Variants in GRIN2B observed in about 807,000 individuals in gnomAD.
GRIN2B encodes glutamate receptor ionotropic, NMDA 2B.
A neutral mutation model predicts 114.5 loss-of-function variants in GRIN2B; 5 were observed. The ratio of observed to expected loss-of-function variants is 0.04; its 90% CI spans 0.02 to 0.09. The LOEUF (loss-of-function observed/expected upper bound fraction) is 0.09. Among genes scored for constraint, GRIN2B ranks in the 10% least tolerant of loss-of-function variants. The probability of loss-of-function intolerance (pLI) is 1.00; values close to 1 mark genes in which losing one functional copy is unlikely to be tolerated. For missense variants in GRIN2B, 1,108 were observed against 1,943.5 expected (o/e 0.57, Z 8.08); for synonymous variants, 787 against 745.1 (o/e 1.06, Z -0.92).
chr12:13,890,690 C>T (rs1866244639), intron 2 of GRIN2B, among the ~76,000 whole-genome samples: 2 of 152,158 alleles, frequency 1.3e-5, no homozygotes, highest in Non-Finnish European at 2.9e-5. Flanking sequence ...CACGACACCC[C>T]TTGTCTTATT....
intron 5 of GRIN2B, among the ~76,000 whole-genome samples, chr12:13,671,124 G>A (rs1950018476): frequency 6.6e-6 from 1 of 151,996 alleles, no homozygotes; most frequent in Non-Finnish European, 1.5e-5. Context: ...TCTTTTTACT[G>A]GATACTCTTT....
chr12:13,868,652 A>T (rs751561744), intron 2 of GRIN2B, among the ~76,000 whole-genome samples: 3 of 151,918 alleles, frequency 2.0e-5, no homozygotes, highest in Non-Finnish European at 4.4e-5. Context: ...ACTTTAATGC[A>T]CTCCACTCTC....
At chr12:13,869,292 C>T (rs12580205) in intron 2 of GRIN2B, among the ~76,000 whole-genome samples, 1 of 139,928 alleles carries the variant, frequency 7.1e-6, no homozygotes, top group South Asian at 2.3e-4. Flanking sequence ...AGATTCTATC[C>T]TTCAGGACCA....
At chr12:13,754,921 A>C (rs1256373333) in intron 3 of GRIN2B, among the ~76,000 whole-genome samples, 1 of 152,178 alleles carries the variant, frequency 6.6e-6, no homozygotes, top group African/African-American at 2.4e-5. Flanking sequence ...GTTCTGAGAT[A>C]TCAAGTCCTG....
chr12:13,570,980 C>G (rs1948700199), intron 11 of GRIN2B, among the ~76,000 whole-genome samples: 1 of 152,186 alleles, frequency 6.6e-6, no homozygotes, highest in African/African-American at 2.4e-5. Flanking sequence ...GTGGCCCTAC[C>G]TTCAAGCTCA....
chr12:13,740,170 T>TA (rs1863256468), intron 4 of GRIN2B, among the ~76,000 whole-genome samples: 1 of 152,230 alleles, frequency 6.6e-6, no homozygotes, highest in Admixed American at 6.5e-5. Flanking sequence ...CGTGATGGTT[T>TA]TCACTAACAT....
intron 4 of GRIN2B, among the ~76,000 whole-genome samples, chr12:13,694,702 T>A (rs868353977): frequency 5.9e-4 from 75 of 126,236 alleles, no homozygotes; most frequent in East Asian, 3.0e-3. Context: ...TATATATATA[T>A]AAATTAATTA....
intron 3 of GRIN2B, among the ~76,000 whole-genome samples, chr12:13,825,374 A>T (rs1865013197): frequency 6.6e-6 from 1 of 151,082 alleles, no homozygotes; most frequent in Admixed American, 6.6e-5. Context: ...ATAACATATA[A>T]ACTAGAAAAG....
intron 2 of GRIN2B, among the ~76,000 whole-genome samples, chr12:13,893,649 T>C (rs963071813): frequency 1.6e-4 from 24 of 152,238 alleles, no homozygotes; most frequent in African/African-American, 5.5e-4. Flanking sequence ...TTAATAGATA[T>C]GTGCCTCAAA....
At chr12:13,572,500 G>A (rs764370643) in intron 10 of GRIN2B, among the ~76,000 whole-genome samples, 3 of 152,144 alleles carry the variant, frequency 2.0e-5, no homozygotes, top group Admixed American at 6.5e-5. Flanking sequence ...CTTCCCTGAT[G>A]CACTGAAAGC....
intron 2 of GRIN2B, among the ~76,000 whole-genome samples, chr12:13,886,675 G>T (rs1192616409): frequency 6.6e-6 from 1 of 152,086 alleles, no homozygotes; most frequent in East Asian, 1.9e-4. Context: ...CCTGCAGCCT[G>T]CCCAATACTC....
At chr12:13,956,321 G>A (rs1197743695) in intron 2 of GRIN2B, among the ~76,000 whole-genome samples, 5 of 152,196 alleles carry the variant, frequency 3.3e-5, no homozygotes, top group African/African-American at 1.2e-4. Context: ...ACTTCATTCT[G>A]CACGCAATAA....
intron 5 of GRIN2B, among the ~76,000 whole-genome samples, chr12:13,624,264 C>T (rs1423360573): frequency 1.3e-5 from 2 of 152,174 alleles, no homozygotes; most frequent in Non-Finnish European, 2.9e-5. Flanking sequence ...TGAATAACAA[C>T]TATGTTCTCA....
At position 13,906,393 on chromosome 12, in the gene GRIN2B, A is replaced by T. The variant is rs548235808; in HGVS notation, c.-18-40167T>A. Among the ~76,000 whole-genome samples the T allele has an allele frequency of 3.3e-5, 5 of 152,300 alleles. No homozygotes were observed. The East Asian group carries it at 9.7e-4, about 29-fold the overall frequency. On this transcript the variant is annotated intron_variant, in intron 2 of 13. Transcript: ENST00000609686. Reference sequence around the variant, plus strand: ...TTGTACCACTTTTCCATCTCCTCTCATATCCTTATTTTACAGTTTTGCTGT... The same window carrying T: ...TTGTACCACTTTTCCATCTCCTCTCTTATCCTTATTTTACAGTTTTGCTGT...
At position 13,753,604 on chromosome 12, in the gene GRIN2B, A is replaced by T; in HGVS notation, c.723T>A (p.Phe241Leu). Reference sequence around the variant, plus strand: ...TCAGCCCTACTGAGTTGGCCACTTCAAAGATGTAGGTGGCTTCTTCCTTGG... The same window carrying T: ...TCAGCCCTACTGAGTTGGCCACTTCTAAGATGTAGGTGGCTTCTTCCTTGG... The part of the protein sequence containing the change: ...YCTKEEATYI[F>L]EVANSVGLTG... The change falls in exon 4 of 14, where the codon TTT (phenylalanine) becomes TTA (leucine). Residue 241 changes from phenylalanine (F) to leucine (L), a missense_variant. Coordinates refer to ENST00000609686, the MANE Select transcript of GRIN2B (RefSeq NM_000834.5). This position sits in a 1 kb window ranked among gnomAD's most constrained non-coding sequence, Gnocchi z 6.2. The T allele has an allele frequency of 6.2e-7, 1 of 1,614,172 alleles. No homozygotes were observed. The highest frequency in any genetic ancestry group is 2.2e-5 in the East Asian group (1 of 44,882).
intron 4 of GRIN2B, among the ~76,000 whole-genome samples, chr12:13,743,428 G>T (rs1863319142): frequency 6.6e-6 from 1 of 152,108 alleles, no homozygotes; most frequent in African/African-American, 2.4e-5. Context: ...CCACTATTTT[G>T]AGTCATAGTC....
At chr12:13,916,120 C>A (rs1591619386) in intron 2 of GRIN2B, among the ~76,000 whole-genome samples, 1 of 152,108 alleles carries the variant, frequency 6.6e-6, no homozygotes, top group East Asian at 1.9e-4. Context: ...TGTGCACTGA[C>A]TGCAGATTAG....
At chr12:13,583,086 G>A (rs1004931043) in intron 10 of GRIN2B, among the ~76,000 whole-genome samples, 2 of 152,138 alleles carry the variant, frequency 1.3e-5, no homozygotes, top group Non-Finnish European at 2.9e-5. Context: ...TGCACCTTGA[G>A]GTTTTAAGTG....
At chr12:13,690,285 C>CCACACA (rs72073823) in intron 4 of GRIN2B, among the ~76,000 whole-genome samples, 1,624 of 144,738 alleles carry the variant, frequency 0.011, 18 homozygotes, top group East Asian at 0.042. Flanking sequence ...CTATGTCACA[C>CCACACA]CACACACACA....
Sources: gnomAD v4.1 joint callset for allele counts (sites outside exome capture counted in the v4.1 genomes callset) on GRCh38, gnomAD v4.1.1 for gene constraint, Gnocchi (gnomAD v3.1) non-coding constraint, MANE v1.5 for transcripts, NCBI Gene and HGNC (gene_info 2026-07-23, HGNC 2026-07-21) for gene names.